The following STX8 variants were observed in gnomAD, a reference collection of about 807,000 sequenced individuals.
STX8 encodes syntaxin-8.
A neutral mutation model predicts 37.5 loss-of-function variants in STX8; 23 were observed. The ratio of observed to expected loss-of-function variants is 0.61; its 90% CI spans 0.44 to 0.87. STX8 has a LOEUF of 0.87. Ranked by LOEUF, STX8 falls within the 40% of genes least tolerant of loss-of-function variation. STX8 has a pLI of 0.00. For synonymous variants in STX8, 115 were observed against 99.1 expected (o/e 1.16, Z -0.95); for missense variants, 313 against 284.7 (o/e 1.10, Z -0.71).
At chr17:9,324,115 C>G (rs1412253855) in intron 7 of STX8, among the ~76,000 whole-genome samples, 154 of 132,964 alleles carry the variant, frequency 1.2e-3, no homozygotes, top group African/African-American at 1.6e-3. Context: ...CTCTGTCTCT[C>G]TCTCTCTCTC....
In STX8 at chr17:9,288,657, G is replaced by A. The variant is rs571342902; in HGVS notation, c.644-38012C>T. ...AGCCTGGGTGACAGAGTGAGACTCCGTCTCGAAATAAATAAATAAAATAAA... is the reference window on the plus strand; with the variant it reads ...AGCCTGGGTGACAGAGTGAGACTCCATCTCGAAATAAATAAATAAAATAAA... On this transcript the variant is annotated intron_variant, in intron 7 of 7. Coordinates refer to ENST00000306357, the MANE Select transcript of STX8 (RefSeq NM_004853.3). Among the ~76,000 whole-genome samples, 341 of 150,716 alleles carry A rather than the reference G, an allele frequency of 2.3e-3. 1 individual carries two copies. Among genetic ancestry groups the A allele is most frequent in the Non-Finnish European group, 4.3e-3 (290 of 67,930 alleles).
intron 7 of STX8, among the ~76,000 whole-genome samples, chr17:9,351,983 CTACAAAAAA>C (rs1361639894): frequency 6.6e-6 from 1 of 151,786 alleles, no homozygotes; most frequent in Non-Finnish European, 1.5e-5. Flanking sequence ...ACCCCCATCT[CTACAAAAAA>C]TACAAAAAAT....
intron 3 of STX8, among the ~76,000 whole-genome samples, chr17:9,552,372 C>A (rs540700993): frequency 4.6e-5 from 7 of 152,220 alleles, no homozygotes; most frequent in African/African-American, 1.4e-4. Context: ...TCTTATAAAT[C>A]AAAAAACTTC....
chr17:9,327,241 A>G (rs185600744), intron 7 of STX8, among the ~76,000 whole-genome samples: 13,562 of 146,350 alleles, frequency 0.093, 2,095 homozygotes, highest in African/African-American at 0.33. Flanking sequence ...GAAGGAGGAC[A>G]GAGGAGGAAG....
At chr17:9,498,712 T>C (rs560887834) in intron 5 of STX8, among the ~76,000 whole-genome samples, 2 of 152,172 alleles carry the variant, frequency 1.3e-5, no homozygotes, top group South Asian at 2.1e-4. Flanking sequence ...TCTAGAACGA[T>C]TGCACAATTT....
intron 6 of STX8, among the ~76,000 whole-genome samples, chr17:9,412,986 G>A (rs1197744057): frequency 2.6e-5 from 4 of 152,188 alleles, no homozygotes; most frequent in African/African-American, 9.7e-5. Flanking sequence ...GACAAAGGGT[G>A]CCTATTTAAT....
intron 6 of STX8, among the ~76,000 whole-genome samples, chr17:9,404,089 TA>T (rs1912722514): frequency 6.6e-6 from 1 of 152,170 alleles, no homozygotes; most frequent in Non-Finnish European, 1.5e-5. Flanking sequence ...TAAAGTAAGC[TA>T]GAGAAAAGGA....
At chr17:9,466,626 A>G (rs1260614717) in intron 6 of STX8, among the ~76,000 whole-genome samples, 1 of 152,196 alleles carries the variant, frequency 6.6e-6, no homozygotes, top group Non-Finnish European at 1.5e-5. Context: ...TCATCTTAAC[A>G]GGTATAGTGA....
In STX8 at chr17:9,319,774, A is replaced by G. The variant is rs145091749; in HGVS notation, c.643+58778T>C. On this transcript the variant is annotated intron_variant, in intron 7 of 7. Transcript: ENST00000306357. ...AAGACCAGCCTGACCAACATGGTGAAACCCTGTCTCTACTAAAAATACAAA... is the reference window on the plus strand; with the variant it reads ...AAGACCAGCCTGACCAACATGGTGAGACCCTGTCTCTACTAAAAATACAAA... 6.9e-4 allele frequency among the ~76,000 whole-genome samples: 104 copies of G among 151,474 alleles called. No homozygotes were observed. In the East Asian group the frequency reaches 0.018, roughly 27 times the overall value.
intron 7 of STX8, among the ~76,000 whole-genome samples, chr17:9,343,486 C>T (rs1180543513): frequency 6.6e-6 from 1 of 152,192 alleles, no homozygotes; most frequent in African/African-American, 2.4e-5. Context: ...CTTAAAGCCT[C>T]TCATGTGAAA....
At chr17:9,360,790 C>T (rs1911037606) in intron 7 of STX8, among the ~76,000 whole-genome samples, 1 of 152,070 alleles carries the variant, frequency 6.6e-6, no homozygotes, top group East Asian at 1.9e-4. Context: ...CATTTGGAGG[C>T]TGCTCGGTAG....
chr17:9,408,399 C>T (rs1597653169), intron 6 of STX8, among the ~76,000 whole-genome samples: 1 of 152,134 alleles, frequency 6.6e-6, no homozygotes, highest in East Asian at 1.9e-4. Context: ...GAGTCATGAA[C>T]ATCATAGTCT....
intron 7 of STX8, among the ~76,000 whole-genome samples, chr17:9,328,189 T>C (rs1313446149): frequency 6.6e-6 from 1 of 152,078 alleles, no homozygotes; most frequent in Admixed American, 6.6e-5. Flanking sequence ...AACCAGCTCT[T>C]ACACAGAAAG....
At chr17:9,476,445 TTTTC>T (rs1906106101) in intron 6 of STX8, among the ~76,000 whole-genome samples, 2 of 151,806 alleles carry the variant, frequency 1.3e-5, no homozygotes, top group East Asian at 3.9e-4. Flanking sequence ...TTGTTTCTTC[TTTTC>T]TTTTTTTTTT....
intron 3 of STX8, among the ~76,000 whole-genome samples, chr17:9,551,560 T>A (rs980285280): frequency 5.5e-4 from 84 of 152,162 alleles, no homozygotes; most frequent in African/African-American, 2.0e-3. Context: ...TAGCATCCCA[T>A]TCCACAAATG....
intron 6 of STX8, among the ~76,000 whole-genome samples, chr17:9,388,077 T>G (rs967774375): frequency 2.0e-5 from 3 of 151,434 alleles, no homozygotes; most frequent in African/African-American, 7.3e-5. Flanking sequence ...TCTATTTTTT[T>G]TTTTTTTTTT....
At chr17:9,302,900 G>T (rs1328147559) in intron 7 of STX8, among the ~76,000 whole-genome samples, 1 of 151,406 alleles carries the variant, frequency 6.6e-6, no homozygotes, top group Non-Finnish European at 1.5e-5. Context: ...TGTAGTAGTG[G>T]TTGTAGAACT....
At chr17:9,268,601 G>A (rs542984052) in intron 7 of STX8, among the ~76,000 whole-genome samples, 1 of 152,308 alleles carries the variant, frequency 6.6e-6, no homozygotes, top group African/African-American at 2.4e-5. Context: ...GATTATCTGA[G>A]GATCCCTAAA....
At chr17:9,280,918 C>T (rs1907858919) in intron 7 of STX8, among the ~76,000 whole-genome samples, 1 of 152,118 alleles carries the variant, frequency 6.6e-6, no homozygotes, top group Non-Finnish European at 1.5e-5. Flanking sequence ...GGGCACACCT[C>T]AGTAACAATT....
Sources: allele counts gnomAD v4.1 joint callset (sites outside exome capture counted in the v4.1 genomes callset), GRCh38; gene constraint gnomAD v4.1.1; transcripts MANE v1.5; gene names NCBI Gene and HGNC (gene_info 2026-07-23, HGNC 2026-07-21).